Variants in CACNB3 observed in about 807,000 individuals in gnomAD.
CACNB3 encodes voltage-dependent L-type calcium channel subunit beta-3.
A neutral mutation model predicts 63.7 loss-of-function variants in CACNB3; 36 were observed. The ratio of observed to expected loss-of-function variants is 0.57; its 90% confidence interval spans 0.43 to 0.75. The LOEUF is 0.75. CACNB3 is among the 30% of genes least tolerant of loss of function. CACNB3 has a pLI of 0.00. For missense variants in CACNB3, 493 were observed against 648.6 expected (o/e 0.76, Z 2.61); for synonymous variants, 241 against 250.6 (o/e 0.96, Z 0.36).
chr12:48,824,388 A>C lies in CACNB3; in HGVS notation c.407+15A>C, dbSNP rs2070615. ...CAGAAGGCCAGGTGAGAGTTGGGCC[A>C]TGAGTCAGTAAACACACCCCAAACA... is the stretch of plus-strand genomic sequence containing the variant. On this transcript the variant is annotated intron_variant, in intron 4 of 12. Transcript: ENST00000301050. 6.3e-7 allele frequency: 1 copy of C among 1,585,924 alleles called. No homozygotes were observed. The highest frequency in any genetic ancestry group is 1.7e-4 in the Middle Eastern group (1 of 6,024).
At chr12:48,814,874 C>CG, upstream of CACNB3, 1 of 312,852 alleles carries the variant, frequency 3.2e-6, no homozygotes, top group Admixed American at 5.0e-5. The surrounding 1 kb of genome is among the most constrained non-coding windows in gnomAD (Gnocchi z 6.9). Flanking sequence ...GGCGCTGCAG[C>CG]GGGTCGAGAA....
rs530130550 is a variant in CACNB3 at position 48,828,586 on chromosome 12, G to A, written c.*687G>A. On this transcript the variant is annotated 3_prime_UTR_variant, in exon 13 of 13. Coordinates refer to ENST00000301050, the MANE Select transcript of CACNB3 (RefSeq NM_000725.4). ...AACATGTGACAGGACCAGGGACCAG[G>A]AGCATGGTGAAGCCAAGTGGCAGAT... The A allele has an allele frequency of 5.6e-5, 25 of 444,080 alleles. No homozygotes were observed. In the East Asian group the frequency reaches 6.3e-4, roughly 11 times the overall value. 27.5% of individuals were successfully genotyped at this position (444,080 alleles called of 1,614,324 possible). A position where few individuals can be genotyped will look rare whatever the true frequency, so the allele number is the denominator to read the frequency against.
chr12:48,818,446 C>T, upstream of CACNB3: 1 of 989,418 alleles, frequency 1.0e-6, no homozygotes, highest in South Asian at 4.6e-5. This position sits in a 1 kb window ranked among gnomAD's most constrained non-coding sequence, Gnocchi z 4.3. Flanking sequence ...CGCATCTCTC[C>T]TCGCCCCGCC....
upstream of CACNB3, chr12:48,815,818 G>A (rs1240127246): frequency 1.1e-6 from 1 of 880,614 alleles, no homozygotes; most frequent in Non-Finnish European, 1.8e-6. Flanking sequence ...GGGGGCACGC[G>A]TTTGGGGGAG....
chr12:48,828,021 C>T lies in CACNB3; in HGVS notation c.*122C>T, dbSNP rs1938246518. The T allele has an allele frequency of 3.6e-6, 3 of 827,850 alleles. No individual in the cohort carries two copies. The highest frequency in any genetic ancestry group is 5.7e-6 in the Non-Finnish European group (3 of 523,012). 51.3% of individuals were successfully genotyped at this position (827,850 alleles called of 1,614,324 possible). ...AGGCTCAGCCCCCAAAACCCCCTGC[C>T]CAGCCCCAGCTTCAGGGCTGCCTGT... On this transcript the variant is annotated 3_prime_UTR_variant, in exon 13 of 13. Transcript: ENST00000301050.
chr12:48,825,349 G>A lies in CACNB3; in HGVS notation c.574-85G>A. The A allele has an allele frequency of 6.4e-7, 1 of 1,571,868 alleles. No homozygotes were observed. Among genetic ancestry groups the A allele is most frequent in the Non-Finnish European group, 8.8e-7 (1 of 1,141,870 alleles). ...TGTCTCCTCCGTCCAGGGTGTGTAT[G>A]TGGAGCGCATTGACTCTGGGGCCAT... On this transcript the variant is annotated intron_variant, in intron 7 of 12. Transcript: ENST00000301050. This position sits in a 1 kb window ranked among gnomAD's most constrained non-coding sequence, Gnocchi z 4.5.
At position 48,827,703 on chromosome 12, in the gene CACNB3, G is replaced by A. The variant is rs760070799; in HGVS notation, c.1259G>A (p.Arg420His). The change falls in exon 13 of 13, where the codon CGT becomes CAT. Residue 420 changes from arginine to histidine, a missense_variant. Arg to His is a conservative substitution (Grantham distance 29). Coordinates refer to ENST00000301050, the MANE Select transcript of CACNB3 (RefSeq NM_000725.4). ...CAAGCCTGGACAGGATCTTCACAGC[G>A]TAGCTCCCGCCACCTGGAGGAGGAC... The part of the protein sequence containing the change: ...SRQAWTGSSQ[R>H]SSRHLEEDYA... The A allele has an allele frequency of 1.5e-5, 25 of 1,613,938 alleles. No homozygotes were observed. Among genetic ancestry groups the A allele is most frequent in the Middle Eastern group, 1.6e-4 (1 of 6,084 alleles).
At chr12:48,827,489 G>C in intron 12 of CACNB3, 96 bp from the exon 13 acceptor site, 1 of 1,160,354 alleles carries the variant, frequency 8.6e-7, no homozygotes. Flanking sequence ...TCCTTTACCG[G>C]GGAATTGAGA....
upstream of CACNB3, among the ~76,000 whole-genome samples, chr12:48,816,585 T>C (rs1253714115): frequency 6.6e-6 from 1 of 152,126 alleles, no homozygotes; most frequent in Non-Finnish European, 1.5e-5. Context: ...GGAGGGAAGC[T>C]CTGAAGCTAC....
rs754111611 is a variant in CACNB3, at chr12:48,824,746, C to A, written c.472+13C>A. On this transcript the variant is annotated intron_variant, in intron 5 of 12. Coordinates refer to ENST00000301050, the MANE Select transcript of CACNB3 (RefSeq NM_000725.4). Reference sequence around the variant, plus strand: ...CCGCCATCTCTAGGTAGCCTCCCCCCAACCCACCCATTTTGGGTAGGTGGG... The same window carrying A: ...CCGCCATCTCTAGGTAGCCTCCCCCAAACCCACCCATTTTGGGTAGGTGGG... 3.1e-6 allele frequency: 5 copies of A among 1,613,062 alleles called. No individual in the cohort carries two copies. The highest frequency in any genetic ancestry group is 4.2e-6 in the Non-Finnish European group (5 of 1,179,536).
rs562938723 is a variant in CACNB3, at chr12:48,823,659, C to G, written c.169-22C>G. On this transcript the variant is annotated intron_variant, in intron 2 of 12. Coordinates refer to ENST00000301050, the MANE Select transcript of CACNB3 (RefSeq NM_000725.4). The surrounding 1 kb of genome is among the most constrained non-coding windows in gnomAD (Gnocchi z 4.2). Reference sequence around the variant, plus strand: ...GGTGCTTCGAGCCTTCTCTCACTTGCACTAATGGGCAAATTCTCCAGCACA... The same window carrying G: ...GGTGCTTCGAGCCTTCTCTCACTTGGACTAATGGGCAAATTCTCCAGCACA... 22 of 1,613,908 alleles carry G rather than the reference C, an allele frequency of 1.4e-5. No homozygotes were observed. The highest frequency in any genetic ancestry group is 1.9e-5 in the Non-Finnish European group (22 of 1,180,002).
Position 48,823,918 on chromosome 12 carries a change from C to T in CACNB3, c.291+115C>T, listed in dbSNP as rs915032996. ...TAATTCCCCAAGCTAATCAGCTCTT[C>T]TCCTTAACACACACCTGTCCACCCC... On this transcript the variant is annotated intron_variant, in intron 3 of 12. Coordinates refer to ENST00000301050, the MANE Select transcript of CACNB3 (RefSeq NM_000725.4). The surrounding 1 kb of genome is among the most constrained non-coding windows in gnomAD (Gnocchi z 4.2). 11 of 1,316,138 alleles carry T rather than the reference C, an allele frequency of 8.4e-6. No homozygotes were observed. The African/African-American group carries it at 1.5e-4, about 17-fold the overall frequency. 81.5% of individuals were successfully genotyped at this position (1,316,138 alleles called of 1,614,324 possible).
At chr12:48,816,885 G>A, upstream of CACNB3, 1 of 985,478 alleles carries the variant, frequency 1.0e-6, no homozygotes, top group South Asian at 4.7e-5. Flanking sequence ...CCATCTCCCA[G>A]GAGAAGAGCA....
Position 48,827,128 on chromosome 12 carries a change from CCATTT to C in CACNB3, c.1140+7_1140+11del. On this transcript the variant is annotated splice_donor_region_variant and intron_variant, in intron 12 of 12. Transcript: ENST00000301050. ...AGTGCCATCCCCGGACTTCAGGTAACCATTTCCAGTGGGCAGAGATGCTCAAGCTA... is the reference window on the plus strand; with the variant it reads ...AGTGCCATCCCCGGACTTCAGGTAACCCAGTGGGCAGAGATGCTCAAGCTA... 1.9e-6 allele frequency: 3 copies of C among 1,611,980 alleles called. No homozygotes were observed. Among genetic ancestry groups the C allele is most frequent in the Non-Finnish European group, 2.5e-6 (3 of 1,179,952 alleles).
upstream of CACNB3, chr12:48,818,369 C>A (rs1942340663): frequency 2.4e-6 from 2 of 821,748 alleles, no homozygotes; most frequent in Admixed American, 6.2e-5. This position sits in a 1 kb window ranked among gnomAD's most constrained non-coding sequence, Gnocchi z 4.3. Context: ...AGCGCCCCCT[C>A]CCTCCCCCGC....
chr12:48,827,474 C>G, intron 12 of CACNB3, 111 bp from the exon 13 acceptor site: 1 of 1,073,130 alleles, frequency 9.3e-7, no homozygotes, highest in Non-Finnish European at 1.3e-6. Flanking sequence ...TTTCCTTGCA[C>G]TATTTCCTTT....
Position 48,827,105 on chromosome 12 carries a change from T to C in CACNB3, c.1122T>C (p.Ser374=). 1 of 1,612,694 alleles carries C rather than the reference T, an allele frequency of 6.2e-7. No individual in the cohort carries two copies. Among genetic ancestry groups the C allele is most frequent in the Non-Finnish European group, 8.5e-7 (1 of 1,180,020 alleles). Residue 374 remains serine (S), a synonymous_variant, in exon 12 of 13, where the codon AGT becomes AGC. Coordinates refer to ENST00000301050, the MANE Select transcript of CACNB3 (RefSeq NM_000725.4). The stretch of plus-strand genomic sequence containing the variant: ...GCCCCGGACTTCTGGGTCCTCCCAG[T>C]GCCATCCCCGGACTTCAGGTAACCA... The part of the protein sequence containing the change: ...APGPGLLGPP[S]AIPGLQNQQL...
At chr12:48,824,233 C>A (rs1317612287) in intron 3 of CACNB3, 25 bp from the exon 4 acceptor site, 16 of 1,585,676 alleles carry the variant, frequency 1.0e-5, no homozygotes, top group Non-Finnish European at 1.4e-5. Context: ...CTCTCACCAC[C>A]CCTTCCTGCT....
chr12:48,825,569 C>T lies in CACNB3; in HGVS notation c.632+77C>T, dbSNP rs1938088284. The T allele has an allele frequency of 6.3e-7, 1 of 1,585,824 alleles. No individual in the cohort carries two copies. Among genetic ancestry groups the T allele is most frequent in the African/African-American group, 1.3e-5 (1 of 74,276 alleles). On this transcript the variant is annotated intron_variant, in intron 8 of 12. Coordinates refer to ENST00000301050, the MANE Select transcript of CACNB3 (RefSeq NM_000725.4). This position sits in a 1 kb window ranked among gnomAD's most constrained non-coding sequence, Gnocchi z 4.5. ...CTACTTCCAGATGCCTGTAGCTAGT[C>T]TTCTCTAAGGGAAGAGTTAGTGGGA...
Sources: allele counts gnomAD v4.1 joint callset (sites outside exome capture counted in the v4.1 genomes callset), GRCh38; gene constraint gnomAD v4.1.1; non-coding constraint Gnocchi (gnomAD v3.1); transcripts MANE v1.5; gene names NCBI Gene and HGNC (gene_info 2026-07-23, HGNC 2026-07-21).